Variants in RAB27B observed in about 807,000 individuals in gnomAD.
RAB27B encodes RAB27B, member RAS oncogene family, also known as ras-related protein Rab-27B.
In RAB27B, 15 loss-of-function variants were observed where a neutral mutation model predicts 24.6. The observed-to-expected ratio is 0.61, with a 90% CI of 0.41 to 0.94. The LOEUF is 0.94. Among genes scored for constraint, RAB27B ranks in the 40% least tolerant of loss-of-function variants. The pLI is 0.00. For synonymous variants in RAB27B, 105 were observed against 92.5 expected (o/e 1.14, Z -0.78); for missense variants, 261 against 266.8 (o/e 0.98, Z 0.15).
At chr18:54,778,093 C>A (rs73960621) in intron 2 of RAB27B, among the ~76,000 whole-genome samples, 6,546 of 152,258 alleles carry the variant, frequency 0.043, 205 homozygotes, top group Admixed American at 0.082. Flanking sequence ...AATCTTCAGC[C>A]TAATGTTGAC....
intron 2 of RAB27B, among the ~76,000 whole-genome samples, chr18:54,776,431 G>T (rs1458791950): frequency 6.6e-6 from 1 of 152,168 alleles, no homozygotes; most frequent in African/African-American, 2.4e-5. Flanking sequence ...ACTGGCTGGG[G>T]GTTTCCTGAA....
In RAB27B at chr18:54,891,802, T is replaced by C. The variant is rs911483301; in HGVS notation, c.*2389T>C. On this transcript the variant is annotated 3_prime_UTR_variant, in exon 6 of 6. Coordinates refer to ENST00000262094, the MANE Select transcript of RAB27B (RefSeq NM_004163.4). ...TGTAGCATGAAGCAGAGGTTGATGA[T>C]GCCCATAATTGCAAGACTATTCCTG... 6.6e-6 allele frequency: 1 copy of C among 152,086 alleles called. No individual in the cohort carries two copies. The highest frequency in any genetic ancestry group is 1.5e-5 in the Non-Finnish European group (1 of 67,986). 9.4% of individuals were successfully genotyped at this position (152,086 alleles called of 1,614,324 possible).
At chr18:54,853,024 G>T (rs891448410) in intron 1 of RAB27B, among the ~76,000 whole-genome samples, 1 of 152,166 alleles carries the variant, frequency 6.6e-6, no homozygotes, top group Admixed American at 6.5e-5. Flanking sequence ...TGAGGCATAG[G>T]TTCAGGGAGG....
At chr18:54,762,335 G>T (rs1015860180) in intron 2 of RAB27B, among the ~76,000 whole-genome samples, 1 of 152,126 alleles carries the variant, frequency 6.6e-6, no homozygotes, top group African/African-American at 2.4e-5. Context: ...GATTACAGAA[G>T]TGTGCCACCA....
chr18:54,775,133 A>C (rs1908676966), intron 2 of RAB27B, among the ~76,000 whole-genome samples: 1 of 152,156 alleles, frequency 6.6e-6, no homozygotes, highest in African/African-American at 2.4e-5. Context: ...ATCCAGGCAC[A>C]ACTTGGGACT....
chr18:54,783,481 T>TTG (rs34288200), intron 2 of RAB27B, among the ~76,000 whole-genome samples: 10,330 of 149,726 alleles, frequency 0.069, 400 homozygotes, highest in Middle Eastern at 0.16. Context: ...GCCTATGGCT[T>TTG]TGTGTGTGTG....
intron 1 of RAB27B, 78 bp from the exon 2 acceptor site, chr18:54,877,489 A>G: frequency 2.6e-6 from 3 of 1,155,012 alleles, no homozygotes; most frequent in Non-Finnish European, 3.4e-6. Context: ...TGAAAATTAA[A>G]TTTATGTCAT....
chr18:54,771,426 G>A (rs1031525820), intron 2 of RAB27B, among the ~76,000 whole-genome samples: 2 of 152,108 alleles, frequency 1.3e-5, no homozygotes, highest in East Asian at 3.9e-4. Flanking sequence ...ATGAGAAGTC[G>A]AAGTGAGGTA....
rs543778084 is a variant in RAB27B, at chr18:54,894,875, G to A, written c.*5462G>A. The A allele has an allele frequency of 6.6e-6, 1 of 152,008 alleles. No individual in the cohort carries two copies. The highest frequency in any genetic ancestry group is 1.5e-5 in the Non-Finnish European group (1 of 67,954). The allele number at this position is 152,008 out of a possible 1,614,324, so 9.4% of individuals were successfully genotyped here. A position where few individuals can be genotyped will look rare whatever the true frequency, so the allele number is the denominator to read the frequency against. On this transcript the variant is annotated 3_prime_UTR_variant, in exon 6 of 6. Coordinates refer to ENST00000262094, the MANE Select transcript of RAB27B (RefSeq NM_004163.4). ...ACACACTAATTTTCATACAGTAGAG[G>A]TATTGAAAACTGAAAATGGGAAGGC...
intron 1 of RAB27B, among the ~76,000 whole-genome samples, chr18:54,834,715 GGAA>G (rs1910825039): frequency 6.6e-6 from 1 of 151,606 alleles, no homozygotes. Context: ...ATGTAAACAT[GGAA>G]GAAGAGATAG....
chr18:54,795,890 ATAACT>A (rs547393458), intron 2 of RAB27B, among the ~76,000 whole-genome samples: 3 of 152,198 alleles, frequency 2.0e-5, no homozygotes, highest in South Asian at 2.1e-4. Context: ...TTTTATTTAA[ATAACT>A]TTATTGAGGT....
Position 54,891,738 on chromosome 18 carries a change from G to GT in RAB27B, c.*2331dup. The GT allele has an allele frequency of 6.6e-6, 1 of 152,126 alleles. No homozygotes were observed. Among genetic ancestry groups the GT allele is most frequent in the African/African-American group, 2.4e-5 (1 of 41,508 alleles). The allele number at this position is 152,126 out of a possible 1,614,324, so 9.4% of individuals were successfully genotyped here. A position where few individuals can be genotyped will look rare whatever the true frequency, so the allele number is the denominator to read the frequency against. On this transcript the variant is annotated 3_prime_UTR_variant, in exon 6 of 6. Coordinates refer to ENST00000262094, the MANE Select transcript of RAB27B (RefSeq NM_004163.4). ...TGTCACTGTCAGTTATTTAATGAGT[G>GT]TTTTTTCAGGGTCTGTTTTAAGATC... is the stretch of plus-strand genomic sequence containing the variant.
chr18:54,722,058 A>G (rs1187696470), intron 2 of RAB27B, among the ~76,000 whole-genome samples: 1 of 152,232 alleles, frequency 6.6e-6, no homozygotes, highest in Non-Finnish European at 1.5e-5. Context: ...AAATGAGATG[A>G]TATATGTTGA....
rs548288719 is a variant in RAB27B, at chr18:54,867,442, CTTT to C, written c.-19-10107_-19-10105del. Among the ~76,000 whole-genome samples, 146 of 98,784 alleles carry C rather than the reference CTTT, an allele frequency of 1.5e-3. No homozygotes were observed. In the East Asian group the frequency reaches 0.024, roughly 16 times the overall value. The allele number at this position is 98,784 out of a possible 152,430, so 64.8% of individuals were successfully genotyped here. On this transcript the variant is annotated intron_variant, in intron 1 of 5. Coordinates refer to ENST00000262094, the MANE Select transcript of RAB27B (RefSeq NM_004163.4). ...CTGATGCTTTCTTTTCTTTTCTTTT[CTTT>C]TTTTTTTTTTTTTTTTTCTGAGATG...
At chr18:54,821,981 G>GA (rs1910325253) in intron 2 of RAB27B, among the ~76,000 whole-genome samples, 1 of 152,140 alleles carries the variant, frequency 6.6e-6, no homozygotes, top group Non-Finnish European at 1.5e-5. Context: ...TGAAACTCCT[G>GA]ACCTCAGGTG....
chr18:54,870,697 G>C (rs2145257031), intron 1 of RAB27B, among the ~76,000 whole-genome samples: 1 of 152,262 alleles, frequency 6.6e-6, no homozygotes, highest in East Asian at 1.9e-4. Flanking sequence ...ATTAACACAT[G>C]ATTTCAGACC....
At chr18:54,756,245 T>C (rs1403720853) in intron 2 of RAB27B, among the ~76,000 whole-genome samples, 1 of 152,164 alleles carries the variant, frequency 6.6e-6, no homozygotes, top group African/African-American at 2.4e-5. Flanking sequence ...TCTGTACCAG[T>C]GATATTTCCT....
At chr18:54,816,618 CA>C (rs1177413359) in intron 2 of RAB27B, among the ~76,000 whole-genome samples, 1 of 151,910 alleles carries the variant, frequency 6.6e-6, no homozygotes, top group Non-Finnish European at 1.5e-5. Flanking sequence ...AAAACACTTC[CA>C]GTTAGTTGGA....
rs1438857377 is a variant in RAB27B at position 54,811,210 on chromosome 18, A to G, written c.-19-66357A>G. On this transcript the variant is annotated intron_variant, in intron 2 of 4. Coordinates refer to the RAB27B transcript ENST00000586570. The stretch of plus-strand genomic sequence containing the variant: ...ACATAGAGACTGTGAACTCAATAGT[A>G]TCTGAGATAGGTCTCAATCAATTTA... Among the ~76,000 whole-genome samples, 3 of 152,186 alleles carry G rather than the reference A, an allele frequency of 2.0e-5. No homozygotes were observed. The East Asian group carries it at 5.8e-4, about 29-fold the overall frequency.
Sources: allele counts gnomAD v4.1 joint callset (sites outside exome capture counted in the v4.1 genomes callset), GRCh38; gene constraint gnomAD v4.1.1; transcripts MANE v1.5; gene names NCBI Gene and HGNC (gene_info 2026-07-23, HGNC 2026-07-21).